Variants in PTPRT observed in about 807,000 individuals in gnomAD.
The protein encoded by PTPRT is receptor-type tyrosine-protein phosphatase T.
Under a neutral mutation model 176.8 loss-of-function variants are expected in PTPRT, and 56 were observed. That is an observed-to-expected ratio of 0.32 (90% confidence interval 0.26 to 0.40). The LOEUF is 0.40. PTPRT is among the 10% of genes least tolerant of loss of function. The probability of loss-of-function intolerance (pLI) is 1.00; values close to 1 mark genes in which losing one functional copy is unlikely to be tolerated. For synonymous variants in PTPRT, 783 were observed against 739.0 expected, an observed-to-expected ratio of 1.06 and a Z score of -0.96; for missense variants, 1,540 against 1,908.2, an observed-to-expected ratio of 0.81 and a Z score of 3.60.
At chr20:42,577,040 C>T in intron 7 of PTPRT, among the ~76,000 whole-genome samples, 1 of 151,932 alleles carries the variant, frequency 6.6e-6, no homozygotes, top group East Asian at 1.9e-4. Context: ...ATAAAGTACA[C>T]AAGAAAGTTC....
intron 7 of PTPRT, among the ~76,000 whole-genome samples, chr20:42,601,712 T>C (rs1261386764): frequency 6.6e-6 from 1 of 152,184 alleles, no homozygotes; most frequent in Non-Finnish European, 1.5e-5. Flanking sequence ...AATAAATCAT[T>C]ACTAAATTAA....
intron 1 of PTPRT, among the ~76,000 whole-genome samples, chr20:43,056,662 C>A (rs1339640260): frequency 1.3e-5 from 2 of 152,100 alleles, no homozygotes; most frequent in African/African-American, 2.4e-5. Context: ...CCAGGAACAA[C>A]TTTATAGTGG....
intron 1 of PTPRT, among the ~76,000 whole-genome samples, chr20:42,967,599 G>C (rs919637888): frequency 5.3e-5 from 8 of 152,118 alleles, no homozygotes; most frequent in African/African-American, 1.7e-4. Flanking sequence ...GAACAAATTT[G>C]TGTTGTTTTA....
intron 17 of PTPRT, among the ~76,000 whole-genome samples, chr20:42,150,853 T>C (rs570718295): frequency 1.3e-5 from 2 of 152,292 alleles, no homozygotes; most frequent in South Asian, 4.2e-4. Context: ...AACGACTCTA[T>C]TTATTAAAAC....
At chr20:43,066,456 G>A (rs965354839) in intron 1 of PTPRT, among the ~76,000 whole-genome samples, 4 of 152,164 alleles carry the variant, frequency 2.6e-5, no homozygotes, top group South Asian at 2.1e-4. Context: ...GCATTTCTCA[G>A]ACTCCCTAAC....
chr20:42,961,366 T>C (rs1981973418), intron 1 of PTPRT, among the ~76,000 whole-genome samples: 1 of 152,224 alleles, frequency 6.6e-6, no homozygotes, highest in Admixed American at 6.5e-5. Flanking sequence ...CATATTGTGA[T>C]ACCCTTACTC....
At chr20:42,315,309 G>T (rs2145373014) in intron 12 of PTPRT, among the ~76,000 whole-genome samples, 1 of 151,462 alleles carries the variant, frequency 6.6e-6, no homozygotes, top group Admixed American at 6.6e-5. Context: ...ACTAAACCAT[G>T]ATTAGTGCAT....
At chr20:42,996,084 T>G (rs1277634261) in intron 1 of PTPRT, among the ~76,000 whole-genome samples, 1 of 152,204 alleles carries the variant, frequency 6.6e-6, no homozygotes, top group African/African-American at 2.4e-5. Context: ...CCTCTCTGCA[T>G]GTCATGGTAG....
chr20:42,833,318 T>C (rs934344193), intron 2 of PTPRT, among the ~76,000 whole-genome samples: 2 of 146,808 alleles, frequency 1.4e-5, no homozygotes, highest in East Asian at 2.0e-4. Flanking sequence ...TGCTTGTAAA[T>C]GCCAACACTA....
At chr20:42,898,837 G>A (rs1288250176) in intron 1 of PTPRT, among the ~76,000 whole-genome samples, 2 of 152,154 alleles carry the variant, frequency 1.3e-5, no homozygotes, top group East Asian at 1.9e-4. Context: ...TTGGGTCAGC[G>A]CCAGCCTCAA....
chr20:42,202,207 C>T (rs140636709), intron 15 of PTPRT, among the ~76,000 whole-genome samples: 159 of 152,208 alleles, frequency 1.0e-3, no homozygotes, highest in African/African-American at 3.7e-3. Flanking sequence ...TGAGCTCAGG[C>T]AATCCGCCTG....
At chr20:42,384,212 G>A (rs954810487) in intron 9 of PTPRT, among the ~76,000 whole-genome samples, 1 of 152,198 alleles carries the variant, frequency 6.6e-6, no homozygotes, top group African/African-American at 2.4e-5. Flanking sequence ...AATACAATGT[G>A]GCTCTTGCTT....
At chr20:42,828,171 C>A (rs1283437694) in intron 2 of PTPRT, among the ~76,000 whole-genome samples, 4 of 152,164 alleles carry the variant, frequency 2.6e-5, no homozygotes, top group Non-Finnish European at 5.9e-5. Flanking sequence ...ACAATGAAGT[C>A]CAGGTTGAGA....
chr20:42,483,796 T>C (rs1478622864), intron 7 of PTPRT, among the ~76,000 whole-genome samples: 4 of 152,342 alleles, frequency 2.6e-5, no homozygotes, highest in South Asian at 2.1e-4. Flanking sequence ...GCTCCAAACA[T>C]GCCCTCTGTA....
chr20:43,086,286 C>T (rs1433337568), intron 1 of PTPRT, among the ~76,000 whole-genome samples: 1 of 152,204 alleles, frequency 6.6e-6, no homozygotes, highest in Non-Finnish European at 1.5e-5. Flanking sequence ...TCAACTCATC[C>T]AAAACGAGAA....
At chr20:42,580,066 G>A (rs1227721426) in intron 7 of PTPRT, among the ~76,000 whole-genome samples, 1 of 152,118 alleles carries the variant, frequency 6.6e-6, no homozygotes, top group African/African-American at 2.4e-5. Flanking sequence ...AATCCATCTT[G>A]AATTAATTTT....
At chr20:42,606,110 T>C (rs1194478751) in intron 7 of PTPRT, among the ~76,000 whole-genome samples, 1 of 152,206 alleles carries the variant, frequency 6.6e-6, no homozygotes, top group Admixed American at 6.5e-5. Context: ...TTAGACCACA[T>C]TGTGAGCCCC....
intron 6 of PTPRT, among the ~76,000 whole-genome samples, chr20:42,713,844 T>A (rs1045083328): frequency 1.3e-5 from 2 of 152,170 alleles, no homozygotes; most frequent in Non-Finnish European, 2.9e-5. Flanking sequence ...CTTCCTCCAG[T>A]TCGGGCCATG....
chr20:42,485,862 C>G (rs2071456488), intron 7 of PTPRT, among the ~76,000 whole-genome samples: 1 of 152,192 alleles, frequency 6.6e-6, no homozygotes, highest in South Asian at 2.1e-4. Context: ...ACTGAAGGAA[C>G]ACTTTCAAAT....
Sources: gnomAD v4.1 joint callset for allele counts (sites outside exome capture counted in the v4.1 genomes callset) on GRCh38, gnomAD v4.1.1 for gene constraint, MANE v1.5 for transcripts, NCBI Gene and HGNC (gene_info 2026-07-23, HGNC 2026-07-21) for gene names.